ARFGEF3: variants seen among roughly 807,000 people sequenced by gnomAD.
The protein encoded by ARFGEF3 is ARFGEF family member 3, also known as brefeldin A-inhibited guanine nucleotide-exchange protein 3.
In ARFGEF3, 96 loss-of-function variants were observed where a neutral mutation model predicts 221.7. The ratio of observed to expected loss-of-function variants is 0.43; its 90% CI spans 0.37 to 0.51. ARFGEF3 has a LOEUF of 0.51. Ranked by LOEUF, ARFGEF3 falls within the 20% of genes least tolerant of loss-of-function variation. The pLI, the probability that ARFGEF3 is intolerant of heterozygous loss-of-function variation, is 0.00. For missense variants in ARFGEF3, 2,410 were observed against 2,789.9 expected (o/e 0.86, Z 3.07); for synonymous variants, 1,145 against 1,126.8 (o/e 1.02, Z -0.32).
chr6:138,311,325 C>T, intron 24 of ARFGEF3, 82 bp from the exon 25 acceptor site: 1 of 777,264 alleles, frequency 1.3e-6, no homozygotes, highest in Non-Finnish European at 2.2e-6. Context: ...TGTACTAGTG[C>T]TATGTGAGTA....
intron 1 of ARFGEF3, among the ~76,000 whole-genome samples, chr6:138,168,167 A>G (rs1035543031): frequency 6.6e-6 from 1 of 152,250 alleles, no homozygotes; most frequent in Non-Finnish European, 1.5e-5. Flanking sequence ...AAGAGTTTAC[A>G]GATTCTTGGA....
At chr6:138,322,887 C>T (rs1446471699) in intron 29 of ARFGEF3, among the ~76,000 whole-genome samples, 1 of 150,804 alleles carries the variant, frequency 6.6e-6, no homozygotes, top group Non-Finnish European at 1.5e-5. Flanking sequence ...AAGCCAGGCA[C>T]ATGGGAGGGC....
At chr6:138,301,320 A>C (rs987677979) in intron 22 of ARFGEF3, among the ~76,000 whole-genome samples, 1 of 152,226 alleles carries the variant, frequency 6.6e-6, no homozygotes, top group African/African-American at 2.4e-5. Flanking sequence ...TTTGGTTAAG[A>C]ATAGTGGGAG....
Position 138,241,310 on chromosome 6 carries a change from C to T in ARFGEF3, c.544-1642C>T, listed in dbSNP as rs77907075. Among the ~76,000 whole-genome samples the T allele has an allele frequency of 1.3e-4, 20 of 152,306 alleles. No homozygotes were observed. The East Asian group carries it at 3.9e-3, about 29-fold the overall frequency. On this transcript the variant is annotated intron_variant, in intron 6 of 33. Transcript: ENST00000251691. ...AAGATCCATCACTCCTCTGTCTACC[C>T]AGAGATATCTGCATAATTGATTCTT...
intron 4 of ARFGEF3, among the ~76,000 whole-genome samples, chr6:138,214,834 TA>T (rs1158807053): frequency 6.6e-6 from 1 of 152,222 alleles, no homozygotes; most frequent in Non-Finnish European, 1.5e-5. Flanking sequence ...GGAATGAGGT[TA>T]AATCACTTAG....
intron 2 of ARFGEF3, among the ~76,000 whole-genome samples, chr6:138,204,077 G>A (rs935340358): frequency 1.3e-5 from 2 of 151,824 alleles, no homozygotes; most frequent in South Asian, 2.1e-4. Flanking sequence ...GGTGGCTCAC[G>A]CCTATAATCC....
chr6:138,261,062 T>C (rs899421164), intron 10 of ARFGEF3, among the ~76,000 whole-genome samples: 2 of 152,192 alleles, frequency 1.3e-5, no homozygotes, highest in Admixed American at 6.5e-5. Flanking sequence ...AGAAACAAGC[T>C]ATACAAGCAT....
At chr6:138,335,574 G>A (rs1780308819) in intron 33 of ARFGEF3, among the ~76,000 whole-genome samples, 1 of 152,050 alleles carries the variant, frequency 6.6e-6, no homozygotes, top group African/African-American at 2.4e-5. Context: ...GCTGGGAGAG[G>A]TGGCACATGC....
At chr6:138,322,395 TC>T in intron 29 of ARFGEF3, among the ~76,000 whole-genome samples, 1 of 151,662 alleles carries the variant, frequency 6.6e-6, no homozygotes, top group Non-Finnish European at 1.5e-5. Flanking sequence ...TCTCACGGGG[TC>T]CCTCCCACAA....
chr6:138,202,407 C>G (rs1041368432), intron 2 of ARFGEF3, among the ~76,000 whole-genome samples: 1 of 152,058 alleles, frequency 6.6e-6, no homozygotes, highest in African/African-American at 2.4e-5. Context: ...TTTATGATAT[C>G]ACAGAGCAAG....
chr6:138,236,020 A>C (rs1466884108), intron 5 of ARFGEF3, among the ~76,000 whole-genome samples: 1 of 152,226 alleles, frequency 6.6e-6, no homozygotes, highest in Non-Finnish European at 1.5e-5. Flanking sequence ...TAAAACTAAA[A>C]AAAGAATACA....
rs200335945 is a variant in ARFGEF3 at position 138,239,061 on chromosome 6, G to A, written c.543+430G>A. 4.3e-3 allele frequency among the ~76,000 whole-genome samples: 660 copies of A among 152,256 alleles called. 6 individuals carry two copies. The highest frequency in any genetic ancestry group is 0.024 in the South Asian group (115 of 4,822). ...TGGCAGGAGGCCTCCTTCACCTGCT[G>A]GGGCCTTCAGGGTGAAACTAAACTT... is the stretch of plus-strand genomic sequence containing the variant. On this transcript the variant is annotated intron_variant, in intron 6 of 33. Coordinates refer to ENST00000251691, the MANE Select transcript of ARFGEF3 (RefSeq NM_020340.5).
intron 2 of ARFGEF3, among the ~76,000 whole-genome samples, chr6:138,192,711 TAAATGTTAGG>T (rs1777331592): frequency 6.6e-6 from 1 of 152,212 alleles, no homozygotes; most frequent in East Asian, 1.9e-4. Flanking sequence ...CAGAGCACTG[TAAATGTTAGG>T]CTGGCCCTGG....
At chr6:138,299,764 C>T (rs1368235629) in intron 22 of ARFGEF3, among the ~76,000 whole-genome samples, 1 of 152,188 alleles carries the variant, frequency 6.6e-6, no homozygotes, top group African/African-American at 2.4e-5. Flanking sequence ...AGCTGGTGTT[C>T]AATCAGGCCA....
chr6:138,218,429 G>A (rs1309517410), intron 4 of ARFGEF3: 24 of 1,489,806 alleles, frequency 1.6e-5, no homozygotes, highest in Non-Finnish European at 2.1e-5. Context: ...TAGCTCTGTA[G>A]CATAGAAGAA....
intron 32 of ARFGEF3, among the ~76,000 whole-genome samples, chr6:138,328,524 C>A (rs1448879043): frequency 1.3e-5 from 2 of 152,144 alleles, no homozygotes; most frequent in Non-Finnish European, 2.9e-5. Flanking sequence ...TCAATTTCCT[C>A]CTCTTATAGA....
At chr6:138,312,867 A>T (rs1182588421) in intron 25 of ARFGEF3, among the ~76,000 whole-genome samples, 1 of 151,936 alleles carries the variant, frequency 6.6e-6, no homozygotes, top group Non-Finnish European at 1.5e-5. Context: ...GCGCCACCAC[A>T]CCCAGCTAAT....
At chr6:138,286,989 A>AG (rs1160043953) in intron 16 of ARFGEF3, 73 bp downstream of exon 16, 49 of 1,581,200 alleles carry the variant, frequency 3.1e-5, no homozygotes, top group Non-Finnish European at 3.8e-5. Flanking sequence ...AGGGTGGGGC[A>AG]GGGGGACCCT....
intron 1 of ARFGEF3, among the ~76,000 whole-genome samples, chr6:138,166,164 T>C (rs1406607357): frequency 1.3e-5 from 2 of 152,268 alleles, no homozygotes; most frequent in Non-Finnish European, 1.5e-5. Context: ...TGGTTGCTTC[T>C]GCACCTATAG....
Sources: allele counts gnomAD v4.1 joint callset (sites outside exome capture counted in the v4.1 genomes callset), GRCh38; gene constraint gnomAD v4.1.1; transcripts MANE v1.5; gene names NCBI Gene and HGNC (gene_info 2026-07-23, HGNC 2026-07-21).